The following PEX5L variants were observed in gnomAD, a reference collection of about 807,000 sequenced individuals.
PEX5L encodes peroxisomal biogenesis factor 5 like.
In PEX5L, 30 loss-of-function variants were observed where a neutral mutation model predicts 84.0. The observed-to-expected ratio is 0.36, with a 90% CI of 0.27 to 0.48. The LOEUF is 0.48. PEX5L is among the 20% of genes least tolerant of loss of function. The pLI is 0.99. For missense variants in PEX5L, 533 were observed against 754.6 expected (o/e 0.71, Z 3.44); for synonymous variants, 270 against 283.1 (o/e 0.95, Z 0.46).
intron 2 of PEX5L, among the ~76,000 whole-genome samples, chr3:179,950,402 T>C (rs571977721): frequency 6.6e-6 from 1 of 152,152 alleles, no homozygotes; most frequent in East Asian, 1.9e-4. Context: ...TTAGGAGATA[T>C]ACCTAATGTA....
At chr3:179,837,372 A>T (rs1466192524) in intron 8 of PEX5L, among the ~76,000 whole-genome samples, 1 of 152,168 alleles carries the variant, frequency 6.6e-6, no homozygotes, top group East Asian at 1.9e-4. Context: ...ACATTGGAAC[A>T]AGACTCCTCA....
chr3:179,997,564 GC>G (rs1453988775), intron 1 of PEX5L, among the ~76,000 whole-genome samples: 1 of 152,220 alleles, frequency 6.6e-6, no homozygotes, highest in African/African-American at 2.4e-5. Context: ...TGGAGGGGTT[GC>G]AGAGATTAGT....
chr3:179,831,763 G>A lies in PEX5L; in HGVS notation c.823-11787C>T, dbSNP rs554198760. 2.6e-5 allele frequency among the ~76,000 whole-genome samples: 4 copies of A among 152,296 alleles called. No individual in the cohort carries two copies. The East Asian group carries it at 5.8e-4, about 22-fold the overall frequency. ...ACAAATGTCAGCCATGTAATGGCAC[G>A]AGGAAAGAAAATTTCCAGTAGGAGG... On this transcript the variant is annotated intron_variant, in intron 8 of 14. Coordinates refer to ENST00000467460, the MANE Select transcript of PEX5L (RefSeq NM_016559.3).
At chr3:179,844,872 C>T (rs1411219713) in intron 8 of PEX5L, among the ~76,000 whole-genome samples, 8 of 152,168 alleles carry the variant, frequency 5.3e-5, no homozygotes, top group Admixed American at 5.2e-4. Context: ...ATAAATGCAT[C>T]TTTCTCCAGT....
intron 1 of PEX5L, among the ~76,000 whole-genome samples, chr3:180,036,126 T>C (rs541413631): frequency 1.3e-5 from 2 of 152,310 alleles, no homozygotes; most frequent in African/African-American, 2.4e-5. Flanking sequence ...TTTTTAAATA[T>C]AACACTTTAA....
intron 7 of PEX5L, among the ~76,000 whole-genome samples, chr3:179,868,882 G>T (rs1208128094): frequency 6.6e-6 from 1 of 151,254 alleles, no homozygotes; most frequent in Non-Finnish European, 1.5e-5. Flanking sequence ...GTACCTCACT[G>T]GGGGGTTGGG....
intron 2 of PEX5L, among the ~76,000 whole-genome samples, chr3:179,951,906 C>A (rs2109971936): frequency 6.6e-6 from 1 of 152,192 alleles, no homozygotes; most frequent in Admixed American, 6.5e-5. Context: ...TATGTATTTT[C>A]TTTATATTTC....
chr3:179,832,398 T>C (rs1342946097), intron 8 of PEX5L, among the ~76,000 whole-genome samples: 14 of 137,298 alleles, frequency 1.0e-4, no homozygotes, highest in Admixed American at 1.0e-3. Flanking sequence ...CCACCAACCT[T>C]TGTATTTACT....
intron 2 of PEX5L, among the ~76,000 whole-genome samples, chr3:179,905,556 G>A (rs974256758): frequency 2.0e-5 from 3 of 152,138 alleles, no homozygotes; most frequent in African/African-American, 4.8e-5. Flanking sequence ...ACCGCGCCCC[G>A]CCAATCTGTG....
intron 8 of PEX5L, 21 bp downstream of exon 8, chr3:179,859,041 A>T (rs1335086983): frequency 6.5e-7 from 1 of 1,541,298 alleles, no homozygotes; most frequent in South Asian, 1.1e-5. Flanking sequence ...AACAGAAAAA[A>T]CTAATTTGAA....
At chr3:179,869,593 A>G (rs1158462837) in intron 7 of PEX5L, among the ~76,000 whole-genome samples, 1 of 152,154 alleles carries the variant, frequency 6.6e-6, no homozygotes, top group Non-Finnish European at 1.5e-5. Context: ...CCTCAGAACC[A>G]AGGTGTCTCT....
Position 179,847,259 on chromosome 3 carries a change from ACTGTATATTGATTGATATATAGATAT to A in PEX5L, c.822+11777_822+11802del, listed in dbSNP as rs1231202369. On this transcript the variant is annotated intron_variant, in intron 8 of 14. Transcript: ENST00000467460. Reference sequence around the variant, plus strand: ...CTGTATATTGATTGATATATAGATAACTGTATATTGATTGATATATAGATATCTGTATATTGATTGATATACAGATA... The same window carrying A: ...CTGTATATTGATTGATATATAGATAACTGTATATTGATTGATATACAGATA... Among the ~76,000 whole-genome samples the A allele has an allele frequency of 2.6e-5, 4 of 152,126 alleles. No individual in the cohort carries two copies. In the East Asian group the frequency reaches 7.7e-4, roughly 29 times the overall value.
rs144943344 is a variant in PEX5L at position 179,972,861 on chromosome 3, T to C, written c.22-1196A>G. ...AAGAGATTTCTGCATCTTCCAAGTA[T>C]TAGGATGCATAAATAAAACACAAAT... is the stretch of plus-strand genomic sequence containing the variant. On this transcript the variant is annotated intron_variant, in intron 1 of 14. Transcript: ENST00000467460. Among the ~76,000 whole-genome samples, 455 of 152,226 alleles carry C rather than the reference T, an allele frequency of 3.0e-3. 2 individuals carry two copies. The highest frequency in any genetic ancestry group is 0.01 in the African/African-American group (434 of 41,532).
At chr3:179,900,775 G>T (rs1190361887) in intron 2 of PEX5L, 7 of 1,426,242 alleles carry the variant, frequency 4.9e-6, no homozygotes, top group Non-Finnish European at 6.7e-6. Flanking sequence ...GTGCCTGCTA[G>T]CAACTTTTTT....
intron 2 of PEX5L, among the ~76,000 whole-genome samples, chr3:179,923,105 C>A (rs185170929): frequency 6.6e-6 from 1 of 150,990 alleles, no homozygotes; most frequent in Admixed American, 6.6e-5. Flanking sequence ...CTGGCTAACA[C>A]GGTGAAAACC....
intron 2 of PEX5L, among the ~76,000 whole-genome samples, chr3:179,904,172 C>T (rs1300343488): frequency 2.0e-5 from 3 of 152,164 alleles, no homozygotes; most frequent in Non-Finnish European, 2.9e-5. Context: ...TTCCAGTTGA[C>T]CCTTTATGTA....
In PEX5L at chr3:180,027,074, G is replaced by A. The variant is rs1791025268; in HGVS notation, c.21+9505C>T. On this transcript the variant is annotated intron_variant, in intron 1 of 14. Transcript: ENST00000467460. ...CCATGGTAGAGAGTCCATCCTGGCA[G>A]TAAGGGCAGCCATTGAAGCTGTAAC... 2.0e-5 allele frequency among the ~76,000 whole-genome samples: 3 copies of A among 152,264 alleles called. No individual in the cohort carries two copies. The South Asian group carries it at 6.2e-4, about 32-fold the overall frequency.
At chr3:179,896,174 T>C (rs1479195589) in intron 3 of PEX5L, 1 of 152,120 alleles carries the variant, frequency 6.6e-6, no homozygotes, top group African/African-American at 2.4e-5. Flanking sequence ...TTGTGTATAG[T>C]GGAAAAAGTA....
chr3:179,847,570 C>T (rs1277643831), intron 8 of PEX5L, among the ~76,000 whole-genome samples: 28 of 152,146 alleles, frequency 1.8e-4, no homozygotes, highest in Admixed American at 1.8e-3. Context: ...AGGGAGTTTA[C>T]CAACTTTCCA....
Sources: allele counts gnomAD v4.1 joint callset (sites outside exome capture counted in the v4.1 genomes callset), GRCh38; gene constraint gnomAD v4.1.1; transcripts MANE v1.5; gene names NCBI Gene and HGNC (gene_info 2026-07-23, HGNC 2026-07-21).